The following DERA variants were observed in gnomAD, a reference collection of about 807,000 sequenced individuals.
DERA encodes deoxyribose-phosphate aldolase.
In DERA, 15 loss-of-function variants were observed where a neutral mutation model predicts 41.1. The observed-to-expected ratio is 0.37, with a 90% CI of 0.24 to 0.56. DERA has a LOEUF of 0.56. Ranked by LOEUF, DERA falls within the 20% of genes least tolerant of loss-of-function variation. The probability of loss-of-function intolerance (pLI) is 0.81; values close to 1 mark genes in which losing one functional copy is unlikely to be tolerated. For synonymous variants in DERA, 139 were observed against 137.4 expected (o/e 1.01, Z -0.08); for missense variants, 396 against 403.4 (o/e 0.98, Z 0.16).
chr12:16,013,140 T>A lies in DERA; in HGVS notation c.638-19402T>A, dbSNP rs1948957705. On this transcript the variant is annotated intron_variant, in intron 6 of 8. Transcript: ENST00000428559. This position sits in a 1 kb window ranked among gnomAD's most constrained non-coding sequence, Gnocchi z 5.8. ...TTCTCTCTTTGGCCAGTGTGAAATTTCCAGTGTTGATACCAGTCTTTAAAA... is the reference window on the plus strand; with the variant it reads ...TTCTCTCTTTGGCCAGTGTGAAATTACCAGTGTTGATACCAGTCTTTAAAA... Among the ~76,000 whole-genome samples the A allele has an allele frequency of 6.6e-6, 1 of 152,210 alleles. No individual in the cohort carries two copies. Among genetic ancestry groups the A allele is most frequent in the Non-Finnish European group, 1.5e-5 (1 of 68,024 alleles).
Position 16,036,503 on chromosome 12 carries a change from C to A in DERA, c.900+122C>A, listed in dbSNP as rs1592061547. ...GATTGACCTCATCCTACCCAATCCT[C>A]TACCTTTTCTTCCAAGCAAACCGCC... On this transcript the variant is annotated intron_variant, in intron 8 of 8. Transcript: ENST00000428559. The surrounding 1 kb of genome is among the most constrained non-coding windows in gnomAD (Gnocchi z 4.9). 1.6e-6 allele frequency: 2 copies of A among 1,232,126 alleles called. No individual in the cohort carries two copies. Among genetic ancestry groups the A allele is most frequent in the East Asian group, 5.0e-5 (2 of 39,950 alleles). The allele number at this position is 1,232,126 out of a possible 1,614,324, so 76.3% of individuals were successfully genotyped here.
chr12:15,987,230 CTTT>C (rs995016192), intron 6 of DERA, among the ~76,000 whole-genome samples: 2,032 of 85,058 alleles, frequency 0.024, 33 homozygotes, highest in African/African-American at 0.089. Context: ...TATATATGTA[CTTT>C]TTTTTTTTTT....
Position 15,936,874 on chromosome 12 carries a change from T to TC in DERA, c.32-20061dup, listed in dbSNP as rs1365949434. 2.8e-5 allele frequency among the ~76,000 whole-genome samples: 4 copies of TC among 140,648 alleles called. No individual in the cohort carries two copies. Among genetic ancestry groups the TC allele is most frequent in the Non-Finnish European group, 4.5e-5 (3 of 65,972 alleles). The allele number at this position is 140,648 out of a possible 152,430, so 92.3% of individuals were successfully genotyped here. Reference sequence around the variant, plus strand: ...TGTTGTCTTGTCTTGTCTTGTCTTGTCTTGTCTTGTCTTGTCCTGTCCTGT... The same window carrying TC: ...TGTTGTCTTGTCTTGTCTTGTCTTGTCCTTGTCTTGTCTTGTCCTGTCCTGT... On this transcript the variant is annotated intron_variant, in intron 1 of 8. Coordinates refer to ENST00000428559, the MANE Select transcript of DERA (RefSeq NM_015954.4). This position sits in a 1 kb window ranked among gnomAD's most constrained non-coding sequence, Gnocchi z 4.6.
In DERA at chr12:15,941,447, G is replaced by T. The variant is rs1948408084; in HGVS notation, c.32-15489G>T. Among the ~76,000 whole-genome samples, 1 of 152,066 alleles carries T rather than the reference G, an allele frequency of 6.6e-6. No homozygotes were observed. Among genetic ancestry groups the T allele is most frequent in the Non-Finnish European group, 1.5e-5 (1 of 68,004 alleles). ...TTACATGGTTAAGTTCTTTAGTGGTGATTTCTGAGATTTTAGTGTACCCAT... is the reference window on the plus strand; with the variant it reads ...TTACATGGTTAAGTTCTTTAGTGGTTATTTCTGAGATTTTAGTGTACCCAT... On this transcript the variant is annotated intron_variant, in intron 1 of 8. Coordinates refer to ENST00000428559, the MANE Select transcript of DERA (RefSeq NM_015954.4). The surrounding 1 kb of genome is among the most constrained non-coding windows in gnomAD (Gnocchi z 4.5).
At position 15,912,020 on chromosome 12, in the gene DERA, CTT is replaced by C. The variant is rs11354779; in HGVS notation, c.31+621_31+622del. 2.9e-4 allele frequency among the ~76,000 whole-genome samples: 39 copies of C among 134,100 alleles called. 1 individual carries two copies. The highest frequency in any genetic ancestry group is 4.1e-3 in the Middle Eastern group (1 of 242). 88.0% of individuals were successfully genotyped at this position (134,100 alleles called of 152,430 possible). On this transcript the variant is annotated intron_variant, in intron 1 of 8. Coordinates refer to ENST00000428559, the MANE Select transcript of DERA (RefSeq NM_015954.4). The stretch of plus-strand genomic sequence containing the variant: ...TGGCAAGAAACCTTAGTTCAGATTT[CTT>C]TTTTTTTTTTTTTTATTGATCATTC...
Position 15,984,428 on chromosome 12 carries a change from A to G in DERA, c.637+1992A>G, listed in dbSNP as rs1948751432. Among the ~76,000 whole-genome samples, 1 of 152,088 alleles carries G rather than the reference A, an allele frequency of 6.6e-6. No individual in the cohort carries two copies. Among genetic ancestry groups the G allele is most frequent in the Non-Finnish European group, 1.5e-5 (1 of 68,024 alleles). On this transcript the variant is annotated intron_variant, in intron 6 of 8. Coordinates refer to ENST00000428559, the MANE Select transcript of DERA (RefSeq NM_015954.4). The surrounding 1 kb of genome is among the most constrained non-coding windows in gnomAD (Gnocchi z 4.5). ...GCTTGTTTCTCTGTTCATGTTGTTTATCCACTTCATTTCTTCATTTAAGCA... is the reference window on the plus strand; with the variant it reads ...GCTTGTTTCTCTGTTCATGTTGTTTGTCCACTTCATTTCTTCATTTAAGCA...
In DERA at chr12:16,010,535, G is replaced by A. The variant is rs761879854; in HGVS notation, c.638-22007G>A. Among the ~76,000 whole-genome samples the A allele has an allele frequency of 2.7e-5, 4 of 147,596 alleles. No homozygotes were observed. The highest frequency in any genetic ancestry group is 2.0e-4 in the East Asian group (1 of 5,024). On this transcript the variant is annotated intron_variant, in intron 6 of 8. Coordinates refer to ENST00000428559, the MANE Select transcript of DERA (RefSeq NM_015954.4). The surrounding 1 kb of genome is among the most constrained non-coding windows in gnomAD (Gnocchi z 5.5). Reference sequence around the variant, plus strand: ...TGAGGAATCAAGGTCTCCGGTGGTCGCCAAGTGAAAAGGAATAAAGATAAA... The same window carrying A: ...TGAGGAATCAAGGTCTCCGGTGGTCACCAAGTGAAAAGGAATAAAGATAAA...
At position 15,943,466 on chromosome 12, in the gene DERA, A is replaced by T. The variant is rs1291860455; in HGVS notation, c.32-13470A>T. ...TTCAGCCCTTGCTGAAAATTCTCTA[A>T]AAGACTTCCCATCTCACATGGGAAA... On this transcript the variant is annotated intron_variant, in intron 1 of 8. Transcript: ENST00000428559. This position sits in a 1 kb window ranked among gnomAD's most constrained non-coding sequence, Gnocchi z 4.5. 6.6e-6 allele frequency among the ~76,000 whole-genome samples: 1 copy of T among 152,146 alleles called. No individual in the cohort carries two copies. Among genetic ancestry groups the T allele is most frequent in the African/African-American group, 2.4e-5 (1 of 41,440 alleles).
chr12:16,015,588 T>C (rs1948975783), intron 6 of DERA, among the ~76,000 whole-genome samples: 1 of 152,218 alleles, frequency 6.6e-6, no homozygotes, highest in Non-Finnish European at 1.5e-5. Flanking sequence ...TGGGCAGTTC[T>C]TTATAGAGGT....
Position 16,032,634 on chromosome 12 carries a change from T to C in DERA, c.730T>C (p.Phe244Leu), listed in dbSNP as rs762524122. The change falls in exon 7 of 9, where the codon TTC (phenylalanine) becomes CTC (leucine). Residue 244 changes from phenylalanine (F) to leucine (L), a missense_variant. Physicochemically the swap from Phe to Leu is conservative, Grantham distance 22. Transcript: ENST00000428559. ...IVMLRAIRDF[F>L]WKTGNKIGFK... ...AATGCTGCGGGCCATTAGAGATTTC[T>C]TCTGGAAAACTGGAAACAAGGTATA... 1.2e-4 allele frequency: 187 copies of C among 1,560,946 alleles called. No homozygotes were observed. Among genetic ancestry groups the C allele is most frequent in the Non-Finnish European group, 1.6e-4 (183 of 1,150,788 alleles).
In DERA at chr12:16,036,946, T is replaced by C. The variant is rs1565621765; in HGVS notation, c.*200T>C. 5.6e-6 allele frequency: 3 copies of C among 533,396 alleles called. No homozygotes were observed. The highest frequency in any genetic ancestry group is 6.6e-6 in the Non-Finnish European group (2 of 304,556). 33.0% of individuals were successfully genotyped at this position (533,396 alleles called of 1,614,324 possible). A position where few individuals can be genotyped will look rare whatever the true frequency, so the allele number is the denominator to read the frequency against. On this transcript the variant is annotated 3_prime_UTR_variant, in exon 9 of 9. Transcript: ENST00000428559. The surrounding 1 kb of genome is among the most constrained non-coding windows in gnomAD (Gnocchi z 4.9). ...CTCATTTCAGGCACATCTGAAATGA[T>C]CTTAATTACTAGAAGATCTGCACTA...
intron 1 of DERA, among the ~76,000 whole-genome samples, chr12:15,916,877 G>A (rs529660485): frequency 6.6e-6 from 1 of 152,148 alleles, no homozygotes; most frequent in Non-Finnish European, 1.5e-5. Context: ...CTCCCAAGTG[G>A]CTGGGACTAT....
intron 5 of DERA, chr12:15,971,985 G>A: frequency 4.4e-6 from 1 of 226,708 alleles, no homozygotes; most frequent in South Asian, 6.0e-5. Context: ...AAACAGTATA[G>A]CACATCTGGT....
At position 15,989,245 on chromosome 12, in the gene DERA, C is replaced by A. The variant is rs1948785944; in HGVS notation, c.637+6809C>A. Among the ~76,000 whole-genome samples, 1 of 152,232 alleles carries A rather than the reference C, an allele frequency of 6.6e-6. No individual in the cohort carries two copies. The highest frequency in any genetic ancestry group is 1.5e-5 in the Non-Finnish European group (1 of 68,046). On this transcript the variant is annotated intron_variant, in intron 6 of 8. Coordinates refer to ENST00000428559, the MANE Select transcript of DERA (RefSeq NM_015954.4). The surrounding 1 kb of genome is among the most constrained non-coding windows in gnomAD (Gnocchi z 5.2). The stretch of plus-strand genomic sequence containing the variant: ...GGAGTGTGCAGCCCTAGCCACGCCT[C>A]CCCCGCTGCAACTGGCATCCCCACG...
chr12:15,971,882 G>T, intron 5 of DERA: 1 of 316,910 alleles, frequency 3.2e-6, no homozygotes, highest in Non-Finnish European at 6.2e-6. Context: ...GCAGATTTTG[G>T]AGCACAGTCA....
At chr12:15,951,166 G>T (rs1279004732) in intron 1 of DERA, among the ~76,000 whole-genome samples, 2 of 152,214 alleles carry the variant, frequency 1.3e-5, no homozygotes, top group Non-Finnish European at 1.5e-5. Flanking sequence ...ACAGACCCCT[G>T]CCCATGGGTA....
chr12:15,947,864 ATT>A (rs990519383), intron 1 of DERA, among the ~76,000 whole-genome samples: 2 of 152,068 alleles, frequency 1.3e-5, no homozygotes, highest in African/African-American at 4.8e-5. Context: ...TCCTTTCCAC[ATT>A]TAGTGCTTCC....
intron 5 of DERA, among the ~76,000 whole-genome samples, chr12:15,973,378 A>T (rs1327347851): frequency 7.4e-6 from 1 of 134,950 alleles, no homozygotes; most frequent in Admixed American, 7.6e-5. Flanking sequence ...ATTCTGACTA[A>T]TTTGCAGTCG....
Position 15,963,797 on chromosome 12 carries a change from A to G in DERA, c.508+850A>G, listed in dbSNP as rs773509396. On this transcript the variant is annotated intron_variant, in intron 5 of 8. Coordinates refer to ENST00000428559, the MANE Select transcript of DERA (RefSeq NM_015954.4). ...CTCCTTTAAAGTTTAAATAAGAGAT[A>G]GGATTTTATCTCTTATTTAACCTGC... Among the ~76,000 whole-genome samples, 14 of 152,314 alleles carry G rather than the reference A, an allele frequency of 9.2e-5. No homozygotes were observed. The South Asian group carries it at 2.9e-3, about 32-fold the overall frequency.
Sources: allele counts gnomAD v4.1 joint callset (sites outside exome capture counted in the v4.1 genomes callset), GRCh38; gene constraint gnomAD v4.1.1; non-coding constraint Gnocchi (gnomAD v3.1); transcripts MANE v1.5; gene names NCBI Gene and HGNC (gene_info 2026-07-23, HGNC 2026-07-21).